Variants in ZFHX3 observed in about 807,000 individuals in gnomAD.
ZFHX3 encodes the protein zinc finger homeobox protein 3.
In ZFHX3, 42 loss-of-function variants were observed where a neutral mutation model predicts 279.1. That is an observed-to-expected ratio of 0.15 (90% CI 0.12 to 0.19). The LOEUF is 0.19. Ranked by LOEUF, ZFHX3 falls within the 10% of genes least tolerant of loss-of-function variation. ZFHX3 has a pLI of 1.00. For missense variants in ZFHX3, 4,981 were observed against 4,754.0 expected, an observed-to-expected ratio of 1.05 and a Z score of -1.40; for synonymous variants, 2,293 against 1,957.8, an observed-to-expected ratio of 1.17 and a Z score of -4.52.
chr16:73,474,174 C>G (rs1047440042), intron 2 of ZFHX3, among the ~76,000 whole-genome samples: 11 of 152,024 alleles, frequency 7.2e-5, no homozygotes, highest in Admixed American at 7.2e-4. Context: ...GTCTCGCTCT[C>G]TCTCACTCTG....
chr16:73,242,023 T>G (rs879187596), intron 5 of ZFHX3, among the ~76,000 whole-genome samples: 1 of 152,188 alleles, frequency 6.6e-6, no homozygotes, highest in Non-Finnish European at 1.5e-5. Context: ...CAATGTCAAG[T>G]GCTGGGCTCT....
intron 3 of ZFHX3, among the ~76,000 whole-genome samples, chr16:73,388,283 A>G (rs1164909611): frequency 6.6e-6 from 1 of 152,182 alleles, no homozygotes; most frequent in Non-Finnish European, 1.5e-5. Context: ...TTTTAAAGTC[A>G]GGGTGAAGAA....
intron 3 of ZFHX3, among the ~76,000 whole-genome samples, chr16:73,352,533 C>T (rs2016266132): frequency 1.5e-5 from 2 of 134,014 alleles, no homozygotes; most frequent in South Asian, 4.7e-4. Context: ...GGCTGGAGGG[C>T]ACCAGGCAAG....
chr16:73,832,762 T>G (rs1327084166), intron 1 of ZFHX3, among the ~76,000 whole-genome samples: 3 of 152,160 alleles, frequency 2.0e-5, no homozygotes, highest in Non-Finnish European at 4.4e-5. Flanking sequence ...TACTATTTGC[T>G]CACATGCTGG....
intron 1 of ZFHX3, among the ~76,000 whole-genome samples, chr16:73,758,453 T>C (rs1007504728): frequency 1.3e-5 from 2 of 152,206 alleles, no homozygotes; most frequent in African/African-American, 4.8e-5. Context: ...ACCCAGGCTT[T>C]AATTGTTTAG....
chr16:73,138,128 A>G (rs1311834684), intron 6 of ZFHX3, among the ~76,000 whole-genome samples: 1 of 152,120 alleles, frequency 6.6e-6, no homozygotes, highest in Non-Finnish European at 1.5e-5. Context: ...GCATTCCTCC[A>G]TCTGTCATCT....
At chr16:73,008,586 A>G (rs956080938) in intron 1 of ZFHX3, among the ~76,000 whole-genome samples, 1 of 152,218 alleles carries the variant, frequency 6.6e-6, no homozygotes, top group African/African-American at 2.4e-5. Context: ...AGTGTAAGCA[A>G]CACAAGGAGA....
intron 2 of ZFHX3, among the ~76,000 whole-genome samples, chr16:73,510,708 A>T (rs2019413889): frequency 1.3e-5 from 2 of 152,368 alleles, no homozygotes; most frequent in Admixed American, 1.3e-4. Context: ...ACCATACAGC[A>T]GCTCAGATTT....
At chr16:73,680,043 G>A (rs889226674) in intron 2 of ZFHX3, 2 of 152,142 alleles carry the variant, frequency 1.3e-5, no homozygotes, top group Admixed American at 1.3e-4. Flanking sequence ...TCATTTTTAT[G>A]TGCTACATTT....
At chr16:73,352,428 C>T (rs186582563) in intron 3 of ZFHX3, among the ~76,000 whole-genome samples, 8 of 147,360 alleles carry the variant, frequency 5.4e-5, no homozygotes, top group East Asian at 4.0e-4. Flanking sequence ...TAAGGATAAA[C>T]GGTGTCACTA....
At chr16:73,763,021 C>T (rs989832599) in intron 1 of ZFHX3, among the ~76,000 whole-genome samples, 1 of 152,002 alleles carries the variant, frequency 6.6e-6, no homozygotes, top group Non-Finnish European at 1.5e-5. Flanking sequence ...AGTGGGATTC[C>T]TTCCCCTAAA....
chr16:73,132,140 C>A (rs1256475744), intron 6 of ZFHX3, among the ~76,000 whole-genome samples: 2 of 152,070 alleles, frequency 1.3e-5, no homozygotes, highest in Non-Finnish European at 2.9e-5. Context: ...TAAAAATTAG[C>A]CCCATGAGGT....
intron 4 of ZFHX3, among the ~76,000 whole-genome samples, chr16:72,863,327 A>C (rs1413595057): frequency 1.4e-5 from 2 of 138,868 alleles, no homozygotes; most frequent in African/African-American, 5.9e-5. Flanking sequence ...ACACGGCAAA[A>C]TCTCATCTCT....
intron 3 of ZFHX3, among the ~76,000 whole-genome samples, chr16:72,938,620 C>T (rs1362655382): frequency 6.6e-6 from 1 of 152,230 alleles, no homozygotes; most frequent in Non-Finnish European, 1.5e-5. Context: ...CGAGAACTCA[C>T]CACCTCAGAG....
chr16:73,097,423 C>T (rs191260800), intron 7 of ZFHX3, among the ~76,000 whole-genome samples: 1 of 152,228 alleles, frequency 6.6e-6, no homozygotes, highest in South Asian at 2.1e-4. Context: ...ACAGCTCTTA[C>T]TGTCTTTTCT....
intron 1 of ZFHX3, among the ~76,000 whole-genome samples, chr16:73,001,636 G>C (rs1259268617): frequency 6.6e-6 from 1 of 151,990 alleles, no homozygotes; most frequent in Non-Finnish European, 1.5e-5. Context: ...AAGATAGCAA[G>C]ACTCTGTCTC....
chr16:73,105,681 A>G (rs942898373), intron 7 of ZFHX3, among the ~76,000 whole-genome samples: 1 of 152,128 alleles, frequency 6.6e-6, no homozygotes, highest in Non-Finnish European at 1.5e-5. Context: ...TGATTCTGGG[A>G]GGCGGAGGTT....
chr16:73,418,638 T>G (rs1401663425), intron 3 of ZFHX3, among the ~76,000 whole-genome samples: 5 of 152,214 alleles, frequency 3.3e-5, no homozygotes, highest in African/African-American at 1.2e-4. Flanking sequence ...CAAAGTGTTG[T>G]GTACGTTAGT....
At position 73,755,488 on chromosome 16, in the gene ZFHX3, T is replaced by C. The variant is rs2053800164; in HGVS notation, c.-1607-75248A>G. On this transcript the variant is annotated intron_variant, in intron 1 of 17. Coordinates refer to the ZFHX3 transcript ENST00000641206. Reference sequence around the variant, plus strand: ...TGCATAGTGTGTGAGTCATTCTCCATGCTACATCTTCCTTTTTAAAAGAAT... The same window carrying C: ...TGCATAGTGTGTGAGTCATTCTCCACGCTACATCTTCCTTTTTAAAAGAAT... Among the ~76,000 whole-genome samples the C allele has an allele frequency of 2.6e-5, 4 of 152,350 alleles. No homozygotes were observed. In the South Asian group the frequency reaches 8.3e-4, roughly 32 times the overall value.
Sources: gnomAD v4.1 joint callset for allele counts (sites outside exome capture counted in the v4.1 genomes callset) on GRCh38, gnomAD v4.1.1 for gene constraint, MANE v1.5 for transcripts, NCBI Gene and HGNC (gene_info 2026-07-23, HGNC 2026-07-21) for gene names.